The following MLLT10 variants were observed in gnomAD, a reference collection of about 807,000 sequenced individuals.
MLLT10 encodes MLLT10 histone lysine methyltransferase DOT1L cofactor.
A neutral mutation model predicts 129.1 loss-of-function variants in MLLT10; 30 were observed. The ratio of observed to expected loss-of-function variants is 0.23; its 90% CI spans 0.17 to 0.32. The LOEUF (loss-of-function observed/expected upper bound fraction) is 0.32. Ranked by LOEUF, MLLT10 falls within the 10% of genes least tolerant of loss-of-function variation. The pLI, the probability that MLLT10 is intolerant of heterozygous loss-of-function variation, is 1.00. For missense variants in MLLT10, 1,119 were observed against 1,268.3 expected (o/e 0.88, Z 1.79); for synonymous variants, 490 against 446.4 (o/e 1.10, Z -1.23).
At chr10:21,621,581 T>C (rs1447618514) in intron 8 of MLLT10, among the ~76,000 whole-genome samples, 1 of 152,046 alleles carries the variant, frequency 6.6e-6, no homozygotes, top group African/African-American at 2.4e-5. Context: ...GAGCGAGGTG[T>C]GCCTGTTGTG....
chr10:21,565,485 T>G (rs760096041), intron 3 of MLLT10, among the ~76,000 whole-genome samples: 1 of 152,114 alleles, frequency 6.6e-6, no homozygotes, highest in Admixed American at 6.6e-5. Context: ...TTTTTTATAT[T>G]TTTAGTAGAG....
At chr10:21,560,587 T>TACCACC (rs1263634817) in intron 3 of MLLT10, among the ~76,000 whole-genome samples, 2 of 151,842 alleles carry the variant, frequency 1.3e-5, no homozygotes, top group East Asian at 1.9e-4. Flanking sequence ...AGGCACGTAC[T>TACCACC]ACCACCACCA....
chr10:21,625,023 T>C lies in MLLT10; in HGVS notation c.699+7816T>C, dbSNP rs1400139286. The C allele has an allele frequency of 2.4e-5, 23 of 968,602 alleles. No homozygotes were observed. In the Admixed American group the frequency reaches 4.3e-4, roughly 18 times the overall value. The allele number at this position is 968,602 out of a possible 1,614,324, so 60.0% of individuals were successfully genotyped here. On this transcript the variant is annotated intron_variant, in intron 8 of 22. Transcript: ENST00000307729. ...TGCATAGCCACCATCATAGCCATAG[T>C]AGGGAATCTTCGTAACCTCCTTGAT...
intron 5 of MLLT10, among the ~76,000 whole-genome samples, chr10:21,605,804 T>C (rs1421258495): frequency 6.6e-6 from 1 of 152,232 alleles, no homozygotes; most frequent in Non-Finnish European, 1.5e-5. Context: ...TTACTATCTT[T>C]ATCTTAACTT....
intron 8 of MLLT10, chr10:21,625,185 T>C: frequency 1.3e-6 from 2 of 1,485,276 alleles, no homozygotes; most frequent in Middle Eastern, 2.3e-4. Context: ...TATGCAGTGC[T>C]TCTGGAGGCC....
At chr10:21,599,218 T>G (rs1589158672) in intron 5 of MLLT10, among the ~76,000 whole-genome samples, 1 of 149,652 alleles carries the variant, frequency 6.7e-6, no homozygotes, top group Admixed American at 6.7e-5. Flanking sequence ...AGTGGACGCC[T>G]GTAATCCCAG....
intron 8 of MLLT10, among the ~76,000 whole-genome samples, chr10:21,622,660 G>A (rs1049540533): frequency 1.3e-5 from 2 of 152,160 alleles, no homozygotes; most frequent in African/African-American, 4.8e-5. Context: ...ATGTTGATTA[G>A]TAAAAGGAAA....
intron 9 of MLLT10, among the ~76,000 whole-genome samples, chr10:21,668,027 A>C (rs574170728): frequency 6.6e-6 from 1 of 152,156 alleles, no homozygotes; most frequent in Non-Finnish European, 1.5e-5. Context: ...AGAGACTCTC[A>C]GTACAGCCAA....
intron 9 of MLLT10, among the ~76,000 whole-genome samples, chr10:21,666,494 C>T (rs1026327113): frequency 2.0e-5 from 3 of 151,800 alleles, no homozygotes; most frequent in African/African-American, 4.8e-5. Context: ...TGAAACCGCT[C>T]TCTACTAAAA....
At chr10:21,711,194 G>A (rs1191803054) in intron 13 of MLLT10, among the ~76,000 whole-genome samples, 3 of 152,168 alleles carry the variant, frequency 2.0e-5, no homozygotes, top group East Asian at 3.9e-4. Context: ...AGGCCGAGAC[G>A]GGCAGATCAC....
At chr10:21,619,181 T>C (rs2045569567) in intron 8 of MLLT10, among the ~76,000 whole-genome samples, 1 of 152,158 alleles carries the variant, frequency 6.6e-6, no homozygotes. Context: ...GTTGATTAGA[T>C]TGCTGATAAA....
rs572525503 is a variant in MLLT10, at chr10:21,566,704, A to AT, written c.241-19583dup. Among the ~76,000 whole-genome samples the AT allele has an allele frequency of 8.1e-3, 1,153 of 142,886 alleles. 18 individuals carry two copies. The highest frequency in any genetic ancestry group is 0.019 in the Middle Eastern group (5 of 264). 93.7% of individuals were successfully genotyped at this position (142,886 alleles called of 152,430 possible). On this transcript the variant is annotated intron_variant, in intron 3 of 22. Transcript: ENST00000307729. ...ACATTTTTGGAATTCCATTTTTCTT[A>AT]TTTTTTTCTTCTACCCCAATTCACT...
Position 21,591,214 on chromosome 10 carries a change from A to G in MLLT10, c.296-4117A>G, listed in dbSNP as rs115926145. ...TGGGACTACACGTGCACGCCACCTT[A>G]TCCGGCTAATGTTTTTGTATTTGTT... On this transcript the variant is annotated intron_variant, in intron 4 of 22. Coordinates refer to ENST00000307729, the MANE Select transcript of MLLT10 (RefSeq NM_001195626.3). Among the ~76,000 whole-genome samples, 1,395 of 152,068 alleles carry G rather than the reference A, an allele frequency of 9.2e-3. 14 individuals carry two copies. Among genetic ancestry groups the G allele is most frequent in the African/African-American group, 0.031 (1,306 of 41,488 alleles).
chr10:21,734,162 G>C, intron 20 of MLLT10, 33 bp downstream of exon 20: 3 of 1,554,130 alleles, frequency 1.9e-6, no homozygotes, highest in Non-Finnish European at 2.6e-6. Flanking sequence ...GGGTTTTTTA[G>C]TATAACAGAG....
intron 13 of MLLT10, among the ~76,000 whole-genome samples, chr10:21,682,882 C>T (rs1266775973): frequency 2.6e-5 from 4 of 152,120 alleles, no homozygotes; most frequent in African/African-American, 9.7e-5. Context: ...AAAGAACATT[C>T]CTTAATCCTT....
intron 9 of MLLT10, among the ~76,000 whole-genome samples, chr10:21,658,618 G>C (rs1329279972): frequency 6.6e-6 from 1 of 152,166 alleles, no homozygotes; most frequent in African/African-American, 2.4e-5. Flanking sequence ...ATACCAAGGA[G>C]TGGAATGGTT....
intron 15 of MLLT10, among the ~76,000 whole-genome samples, chr10:21,727,131 G>A (rs2057576989): frequency 6.6e-6 from 1 of 152,100 alleles, no homozygotes; most frequent in African/African-American, 2.4e-5. Context: ...TACCGTTTAA[G>A]GGTCAGAGGT....
intron 8 of MLLT10, among the ~76,000 whole-genome samples, chr10:21,619,846 G>A (rs2045623102): frequency 6.6e-6 from 1 of 151,894 alleles, no homozygotes; most frequent in Admixed American, 6.6e-5. Flanking sequence ...GATTATAAGT[G>A]ATACTATAGT....
At position 21,713,854 on chromosome 10, in the gene MLLT10, T is replaced by C. The variant is rs35353908; in HGVS notation, c.1782T>C (p.Ser594=). The C allele has an allele frequency of 1.7e-3, 2,817 of 1,614,174 alleles. 38 individuals carry two copies. In the African/African-American group the frequency reaches 0.032, roughly 18 times the overall value. Residue 594 remains serine, a synonymous_variant, in exon 14 of 23, where the codon TCT becomes TCC. Transcript: ENST00000307729. ...GSGSSTPVSS[S]HLPQQSSGHL... ...GATCTAGTACTCCTGTCTCCAGCTC[T>C]CACTTACCTCAGCAGTCTTCTGGGC... is the stretch of plus-strand genomic sequence containing the variant.
Sources: allele counts gnomAD v4.1 joint callset (sites outside exome capture counted in the v4.1 genomes callset), GRCh38; gene constraint gnomAD v4.1.1; transcripts MANE v1.5; gene names NCBI Gene and HGNC (gene_info 2026-07-23, HGNC 2026-07-21).